Variants in CABLES1 observed in about 807,000 individuals in gnomAD.
CABLES1 encodes Cdk5 and Abl enzyme substrate 1.
A neutral mutation model predicts 57.8 loss-of-function variants in CABLES1; 36 were observed. That is an observed-to-expected ratio of 0.62 (90% CI 0.48 to 0.82). The LOEUF is 0.82. Among genes scored for constraint, CABLES1 ranks in the 40% least tolerant of loss-of-function variants. The probability of loss-of-function intolerance (pLI) is 0.00; values close to 1 mark genes in which losing one functional copy is unlikely to be tolerated. For missense variants in CABLES1, 767 were observed against 836.6 expected (o/e 0.92, Z 1.03); for synonymous variants, 374 against 363.0 (o/e 1.03, Z -0.35).
In CABLES1 at chr18:23,219,148, CCTA is replaced by C. The variant is rs1447113964; in HGVS notation, c.1088+5097_1088+5099del. The C allele has an allele frequency of 4.4e-5, 20 of 454,076 alleles. No individual in the cohort carries two copies. The East Asian group carries it at 1.4e-3, about 32-fold the overall frequency. 28.1% of individuals were successfully genotyped at this position (454,076 alleles called of 1,614,324 possible). On this transcript the variant is annotated intron_variant, in intron 4 of 9. Coordinates refer to ENST00000256925, the MANE Select transcript of CABLES1 (RefSeq NM_001100619.3). ...TCACTCACCTGCAGCCTGGTGAGCA[CCTA>C]CTGTGTGCTGGGCACTGCCATCCTG...
intron 7 of CABLES1, among the ~76,000 whole-genome samples, chr18:23,241,245 G>A (rs868862704): frequency 2.0e-5 from 3 of 151,918 alleles, no homozygotes; most frequent in East Asian, 1.9e-4. Context: ...AGTGGGCCAC[G>A]TGCAGTGGAT....
Position 23,251,487 on chromosome 18 carries a change from C to CA in CABLES1, c.1447-1467dup, listed in dbSNP as rs574533909. ...AAAAAGATTATGGCGTGTAGTCAGC[C>CA]AAAAAAGACCCAGCCTTGGCAAGTA... On this transcript the variant is annotated intron_variant, in intron 7 of 9. Coordinates refer to ENST00000256925, the MANE Select transcript of CABLES1 (RefSeq NM_001100619.3). Among the ~76,000 whole-genome samples the CA allele has an allele frequency of 1.3e-4, 20 of 151,880 alleles. No individual in the cohort carries two copies. The South Asian group carries it at 4.2e-3, about 32-fold the overall frequency.
intron 9 of CABLES1, among the ~76,000 whole-genome samples, chr18:23,255,852 T>C (rs566562969): frequency 1.3e-3 from 199 of 152,258 alleles, no homozygotes; most frequent in African/African-American, 4.3e-3. Flanking sequence ...TGAGTCACCA[T>C]ACCCGGCCAA....
At chr18:23,179,852 CT>C (rs1280507085) in intron 1 of CABLES1, among the ~76,000 whole-genome samples, 2 of 152,302 alleles carry the variant, frequency 1.3e-5, no homozygotes, top group South Asian at 2.1e-4. Context: ...TAGCAGCTGA[CT>C]TTTTTTTCTT....
chr18:23,186,432 T>C (rs2047203114), intron 1 of CABLES1, among the ~76,000 whole-genome samples: 1 of 152,008 alleles, frequency 6.6e-6, no homozygotes, highest in Non-Finnish European at 1.5e-5. Context: ...TCTTTTTTTT[T>C]TTTTTTCCCC....
chr18:23,151,014 CG>C (rs147111272), intron 1 of CABLES1, among the ~76,000 whole-genome samples: 1 of 104,650 alleles, frequency 9.6e-6, no homozygotes, highest in African/African-American at 4.0e-5. Context: ...CCCTGGCCTA[CG>C]TTTTTTTTTT....
intron 1 of CABLES1, among the ~76,000 whole-genome samples, chr18:23,150,639 C>T (rs973642445): frequency 7.2e-5 from 11 of 151,952 alleles, no homozygotes; most frequent in Admixed American, 1.3e-4. Context: ...CTTAGTGGCT[C>T]GTGCTGGCAA....
At chr18:23,161,394 G>A (rs553227961) in intron 1 of CABLES1, among the ~76,000 whole-genome samples, 4 of 151,500 alleles carry the variant, frequency 2.6e-5, no homozygotes, top group Non-Finnish European at 5.9e-5. Flanking sequence ...CAATTAAAAA[G>A]TAGTGAATCA....
intron 2 of CABLES1, chr18:23,190,240 T>C (rs1202711758): frequency 6.6e-6 from 1 of 152,192 alleles, no homozygotes; most frequent in African/African-American, 2.4e-5. Flanking sequence ...ACTGAGTGGC[T>C]GGCTTTGGTG....
intron 4 of CABLES1, among the ~76,000 whole-genome samples, chr18:23,226,328 A>G (rs1208252704): frequency 3.3e-5 from 5 of 151,334 alleles, no homozygotes; most frequent in Non-Finnish European, 7.4e-5. Context: ...CTTGAACCTG[A>G]GAAGTGGAGG....
intron 7 of CABLES1, among the ~76,000 whole-genome samples, chr18:23,252,610 C>T (rs2048065777): frequency 6.6e-6 from 1 of 152,168 alleles, no homozygotes; most frequent in Non-Finnish European, 1.5e-5. Flanking sequence ...GAACCCAGGT[C>T]TGTGCACATC....
intron 4 of CABLES1, among the ~76,000 whole-genome samples, chr18:23,222,435 C>A (rs1042135804): frequency 6.6e-6 from 1 of 152,058 alleles, no homozygotes; most frequent in Admixed American, 6.6e-5. Context: ...AGTGGTCACT[C>A]TGGTTTTATG....
intron 7 of CABLES1, among the ~76,000 whole-genome samples, chr18:23,246,649 C>T (rs1328289288): frequency 1.3e-5 from 2 of 151,588 alleles, no homozygotes; most frequent in Non-Finnish European, 2.9e-5. Context: ...CCTTGGCCTC[C>T]CAAAGTGCTG....
chr18:23,169,827 T>G (rs962380159), intron 1 of CABLES1, among the ~76,000 whole-genome samples: 1 of 152,190 alleles, frequency 6.6e-6, no homozygotes, highest in Admixed American at 6.5e-5. Context: ...ATGAGGGGTC[T>G]GAAGTGGTGT....
intron 7 of CABLES1, among the ~76,000 whole-genome samples, chr18:23,251,081 G>A (rs375104055): frequency 2.6e-5 from 4 of 152,222 alleles, no homozygotes; most frequent in African/African-American, 4.8e-5. Flanking sequence ...TGGGCTTTGC[G>A]GGCATGAGTC....
chr18:23,195,591 A>G (rs1485587556), intron 3 of CABLES1, among the ~76,000 whole-genome samples: 2 of 152,254 alleles, frequency 1.3e-5, no homozygotes, highest in African/African-American at 4.8e-5. Context: ...TTAAAGCCTT[A>G]TAAGGACAGG....
intron 3 of CABLES1, among the ~76,000 whole-genome samples, chr18:23,195,724 A>G (rs1229882257): frequency 6.6e-6 from 1 of 152,230 alleles, no homozygotes; most frequent in Non-Finnish European, 1.5e-5. Context: ...AAATTTACCA[A>G]GTTATTTGTT....
At chr18:23,222,099 T>G (rs2145064736) in intron 4 of CABLES1, among the ~76,000 whole-genome samples, 2 of 152,244 alleles carry the variant, frequency 1.3e-5, no homozygotes, top group Admixed American at 1.3e-4. Context: ...TCCTTTGTGG[T>G]CCCCCAGACT....
At chr18:23,205,598 G>C (rs2047357455) in intron 3 of CABLES1, among the ~76,000 whole-genome samples, 1 of 152,152 alleles carries the variant, frequency 6.6e-6, no homozygotes, top group African/African-American at 2.4e-5. Context: ...CAGAATGTGA[G>C]TTTATTTGGA....
Sources: gnomAD v4.1 joint callset for allele counts (sites outside exome capture counted in the v4.1 genomes callset) on GRCh38, gnomAD v4.1.1 for gene constraint, MANE v1.5 for transcripts, NCBI Gene and HGNC (gene_info 2026-07-23, HGNC 2026-07-21) for gene names.